Variants in SUMF1 observed in about 807,000 individuals in gnomAD.
The protein encoded by SUMF1 is sulfatase modifying factor 1, also known as formylglycine-generating enzyme.
A neutral mutation model predicts 47.6 loss-of-function variants in SUMF1; 48 were observed. That is an observed-to-expected ratio of 1.01 (90% CI 0.80 to 1.28). The LOEUF is 1.28. Ranked by LOEUF, SUMF1 falls within the 50% of genes most tolerant of loss-of-function variation. The pLI is 0.00. For missense variants in SUMF1, 571 were observed against 485.4 expected, an observed-to-expected ratio of 1.18 and a Z score of -1.66; for synonymous variants, 230 against 192.1, an observed-to-expected ratio of 1.20 and a Z score of -1.63.
At chr3:4,457,240 C>T (rs1290746953) in intron 1 of SUMF1, among the ~76,000 whole-genome samples, 2 of 151,548 alleles carry the variant, frequency 1.3e-5, no homozygotes, top group Non-Finnish European at 1.5e-5. Context: ...CCACACCCAG[C>T]CAGCATTTCT....
chr3:4,405,911 T>C (rs1240950698), intron 7 of SUMF1, among the ~76,000 whole-genome samples: 1 of 152,174 alleles, frequency 6.6e-6, no homozygotes, highest in South Asian at 2.1e-4. Flanking sequence ...CCAGGAAGCA[T>C]AAGCAAAGTT....
intron 8 of SUMF1, among the ~76,000 whole-genome samples, chr3:4,181,822 T>C (rs1295279142): frequency 2.0e-5 from 3 of 152,050 alleles, no homozygotes; most frequent in Non-Finnish European, 4.4e-5. Flanking sequence ...ATGTATCACA[T>C]GCATGTGTGT....
intron 8 of SUMF1, chr3:4,317,423 C>T (rs938456162): frequency 1.7e-6 from 1 of 573,118 alleles, no homozygotes; most frequent in Non-Finnish European, 3.0e-6. Context: ...TGGCTTACAA[C>T]TGTAATCCCA....
chr3:4,395,517 G>A (rs1701012346), intron 7 of SUMF1, among the ~76,000 whole-genome samples: 1 of 152,126 alleles, frequency 6.6e-6, no homozygotes, highest in African/African-American at 2.4e-5. Context: ...CCAAAGAAAG[G>A]TCAAAGAAAG....
chr3:4,085,030 C>G (rs1490426397), intron 8 of SUMF1, among the ~76,000 whole-genome samples: 3 of 152,052 alleles, frequency 2.0e-5, no homozygotes, highest in Non-Finnish European at 4.4e-5. Flanking sequence ...TCTATCTACT[C>G]TATGCATATT....
At chr3:4,226,200 C>A (rs1395082878) in intron 8 of SUMF1, among the ~76,000 whole-genome samples, 1 of 149,964 alleles carries the variant, frequency 6.7e-6, no homozygotes, top group South Asian at 2.1e-4. Context: ...TGTTTAGACA[C>A]TTAATAAGGG....
chr3:4,146,861 T>G (rs1002148406), intron 8 of SUMF1, among the ~76,000 whole-genome samples: 1 of 152,142 alleles, frequency 6.6e-6, no homozygotes, highest in Non-Finnish European at 1.5e-5. Context: ...AAAAAGGACA[T>G]GAACTCATCA....
At chr3:4,443,246 T>C (rs1213996089) in intron 3 of SUMF1, among the ~76,000 whole-genome samples, 1 of 151,886 alleles carries the variant, frequency 6.6e-6, no homozygotes, top group Non-Finnish European at 1.5e-5. Context: ...CACCGCACTC[T>C]AGCCTTGGTG....
chr3:4,225,227 C>T (rs1696148083), intron 8 of SUMF1, among the ~76,000 whole-genome samples: 1 of 152,118 alleles, frequency 6.6e-6, no homozygotes. Flanking sequence ...GACAATTGAG[C>T]CTTGAAGGCT....
chr3:4,280,296 C>A (rs376051514), intron 8 of SUMF1, among the ~76,000 whole-genome samples: 23 of 152,226 alleles, frequency 1.5e-4, no homozygotes, highest in East Asian at 1.4e-3. Context: ...TAATCAAGAA[C>A]ACCCCGGGGT....
chr3:4,304,579 T>C (rs1459488430), intron 8 of SUMF1, among the ~76,000 whole-genome samples: 1 of 152,196 alleles, frequency 6.6e-6, no homozygotes, highest in Non-Finnish European at 1.5e-5. Flanking sequence ...TCTTAGCTAC[T>C]TCCCAGAGCC....
At chr3:4,340,698 C>A (rs1699254107) in intron 8 of SUMF1, among the ~76,000 whole-genome samples, 1 of 152,140 alleles carries the variant, frequency 6.6e-6, no homozygotes, top group Admixed American at 6.6e-5. Context: ...GCAACAGTGA[C>A]AGGACCTGGA....
chr3:4,048,564 C>G (rs145482878), intron 9 of SUMF1, among the ~76,000 whole-genome samples: 205 of 152,014 alleles, frequency 1.3e-3, no homozygotes, highest in African/African-American at 4.8e-3. Context: ...CCTCATAGCA[C>G]CATGTGCTTC....
At chr3:4,185,987 C>A (rs1053252522) in intron 8 of SUMF1, among the ~76,000 whole-genome samples, 4 of 152,170 alleles carry the variant, frequency 2.6e-5, no homozygotes, top group African/African-American at 9.7e-5. Flanking sequence ...ATATCTCAAA[C>A]TCACTTTGAC....
At chr3:4,296,129 A>ATTT (rs1697845239) in intron 8 of SUMF1, among the ~76,000 whole-genome samples, 2 of 152,004 alleles carry the variant, frequency 1.3e-5, no homozygotes, top group African/African-American at 4.8e-5. Context: ...TAAAAAAAAA[A>ATTT]CAATACTGGG....
At chr3:4,106,434 T>C (rs1430182100) in intron 8 of SUMF1, among the ~76,000 whole-genome samples, 4 of 152,154 alleles carry the variant, frequency 2.6e-5, no homozygotes, top group Non-Finnish European at 4.4e-5. Context: ...CTTCAAGAGA[T>C]AACTGACATT....
intron 8 of SUMF1, chr3:4,312,779 A>G: frequency 1.7e-6 from 2 of 1,170,706 alleles, no homozygotes; most frequent in Non-Finnish European, 2.4e-6. Context: ...GTGTTTTGAC[A>G]GTTTTGTCCT....
intron 8 of SUMF1, among the ~76,000 whole-genome samples, chr3:4,072,112 T>G (rs1695541572): frequency 6.6e-6 from 1 of 152,088 alleles, no homozygotes; most frequent in Non-Finnish European, 1.5e-5. Flanking sequence ...CAGCAATATT[T>G]GCTGTTCTGC....
intron 8 of SUMF1, among the ~76,000 whole-genome samples, chr3:4,175,645 C>T (rs1353796809): frequency 6.6e-6 from 1 of 152,170 alleles, no homozygotes; most frequent in Non-Finnish European, 1.5e-5. Context: ...CAAAGAATCG[C>T]AGCTCCTTGC....
Sources: gnomAD v4.1 joint callset for allele counts (sites outside exome capture counted in the v4.1 genomes callset) on GRCh38, gnomAD v4.1.1 for gene constraint, MANE v1.5 for transcripts, NCBI Gene and HGNC (gene_info 2026-07-23, HGNC 2026-07-21) for gene names.